CSMD1: variants seen among roughly 807,000 people sequenced by gnomAD.
CSMD1 encodes the protein CUB and Sushi multiple domains 1.
A neutral mutation model predicts 417.5 loss-of-function variants in CSMD1; 213 were observed. The ratio of observed to expected loss-of-function variants is 0.51; its 90% CI spans 0.46 to 0.57. CSMD1 has a LOEUF of 0.57. Ranked by LOEUF, CSMD1 falls within the 20% of genes least tolerant of loss-of-function variation. CSMD1 has a pLI of 0.00. For missense variants in CSMD1, 6,923 were observed against 4,529.7 expected, an observed-to-expected ratio of 1.53 and a Z score of -15.17; for synonymous variants, 2,862 against 1,736.8, an observed-to-expected ratio of 1.65 and a Z score of -16.11.
chr8:2,950,633 A>C (rs1040414250), intron 66 of CSMD1, among the ~76,000 whole-genome samples: 2 of 152,170 alleles, frequency 1.3e-5, no homozygotes, highest in Non-Finnish European at 2.9e-5. Flanking sequence ...TTGCTAATTA[A>C]AAAATCTCTC....
chr8:3,818,586 A>G (rs1425587997), intron 5 of CSMD1, among the ~76,000 whole-genome samples: 1 of 152,074 alleles, frequency 6.6e-6, no homozygotes, highest in Non-Finnish European at 1.5e-5. Flanking sequence ...AGGTGCAAGA[A>G]TGAGAAGTGC....
intron 5 of CSMD1, among the ~76,000 whole-genome samples, chr8:3,868,600 A>G (rs913041083): frequency 6.6e-6 from 1 of 152,156 alleles, no homozygotes; most frequent in African/African-American, 2.4e-5. Context: ...CAGCTCACGC[A>G]ATAGGACCCG....
chr8:4,531,217 A>G (rs59278005), intron 2 of CSMD1, among the ~76,000 whole-genome samples: 17,694 of 152,098 alleles, frequency 0.12, 1,057 homozygotes, highest in African/African-American at 0.15. Flanking sequence ...TTGTTTTGCC[A>G]TTTTTAGCCA....
At chr8:3,011,956 G>C (rs908612193) in intron 52 of CSMD1, among the ~76,000 whole-genome samples, 3 of 152,202 alleles carry the variant, frequency 2.0e-5, no homozygotes, top group Non-Finnish European at 4.4e-5. Flanking sequence ...GTGCCTGAGA[G>C]AGTGGATACC....
chr8:3,017,279 C>G lies in CSMD1; in HGVS notation c.8029+1198G>C, dbSNP rs552683064. Among the ~76,000 whole-genome samples, 464 of 152,196 alleles carry G rather than the reference C, an allele frequency of 3.0e-3. 3 individuals carry two copies. The highest frequency in any genetic ancestry group is 2.6e-3 in the Non-Finnish European group (180 of 68,018). On this transcript the variant is annotated intron_variant, in intron 52 of 69. Transcript: ENST00000635120. ...GAAGAGCTTGTCCATATCAAAGCTGCCTAAAGGAGAGTGCTGTTCCATAGC... is the reference window on the plus strand; with the variant it reads ...GAAGAGCTTGTCCATATCAAAGCTGGCTAAAGGAGAGTGCTGTTCCATAGC...
chr8:4,461,058 T>A (rs1799785837), intron 2 of CSMD1, among the ~76,000 whole-genome samples: 1 of 152,128 alleles, frequency 6.6e-6, no homozygotes, highest in Admixed American at 6.5e-5. Context: ...AAGCATTATA[T>A]ACTGTGTCCA....
intron 2 of CSMD1, among the ~76,000 whole-genome samples, chr8:4,481,973 T>C (rs915183019): frequency 6.6e-6 from 1 of 152,146 alleles, no homozygotes; most frequent in African/African-American, 2.4e-5. Context: ...TTAGCTGCTA[T>C]ATTATATAGG....
intron 2 of CSMD1, among the ~76,000 whole-genome samples, chr8:4,589,632 A>C (rs557233482): frequency 7.4e-4 from 112 of 152,316 alleles, no homozygotes; most frequent in African/African-American, 2.4e-3. Context: ...ATTCTACAAT[A>C]CTATTAGGCA....
chr8:3,579,491 C>CT (rs1409084534), intron 9 of CSMD1, among the ~76,000 whole-genome samples: 1 of 152,044 alleles, frequency 6.6e-6, no homozygotes, highest in Non-Finnish European at 1.5e-5. Context: ...GCATTAGAAG[C>CT]TTTTTTTAAA....
chr8:3,175,502 TGCC>T (rs1563111649), intron 37 of CSMD1, among the ~76,000 whole-genome samples: 2,412 of 126,044 alleles, frequency 0.019, 63 homozygotes, highest in African/African-American at 0.063. Flanking sequence ...CCTGCCTGCC[TGCC>T]TGCCTTTTTT....
intron 1 of CSMD1, among the ~76,000 whole-genome samples, chr8:4,888,604 G>A (rs1258387413): frequency 6.6e-6 from 1 of 151,968 alleles, no homozygotes; most frequent in African/African-American, 2.4e-5. Flanking sequence ...CTACGGCAGT[G>A]ACATCCCAAC....
chr8:4,004,979 C>T lies in CSMD1; in HGVS notation c.611-6869G>A, dbSNP rs113202568. Reference sequence around the variant, plus strand: ...CAGGATGGTCTCAATCTCCTGACCTCGTGATCTGCCAGCCTCAGCCTCCCT... The same window carrying T: ...CAGGATGGTCTCAATCTCCTGACCTTGTGATCTGCCAGCCTCAGCCTCCCT... On this transcript the variant is annotated intron_variant, in intron 4 of 69. Transcript: ENST00000635120. Among the ~76,000 whole-genome samples the T allele has an allele frequency of 2.6e-5, 4 of 152,204 alleles. No homozygotes were observed. The South Asian group carries it at 8.3e-4, about 32-fold the overall frequency.
chr8:3,830,818 G>C (rs902193034), intron 5 of CSMD1, among the ~76,000 whole-genome samples: 11 of 152,098 alleles, frequency 7.2e-5, no homozygotes, highest in African/African-American at 2.4e-4. Flanking sequence ...AAAATAATTA[G>C]GAGTTATTAA....
At chr8:3,401,318 G>C (rs1442411888) in intron 15 of CSMD1, among the ~76,000 whole-genome samples, 1 of 151,918 alleles carries the variant, frequency 6.6e-6, no homozygotes, top group African/African-American at 2.4e-5. Context: ...CTTTACTTTA[G>C]TAATTTTATT....
chr8:3,561,558 G>T (rs983868132), intron 10 of CSMD1, among the ~76,000 whole-genome samples: 5 of 152,112 alleles, frequency 3.3e-5, no homozygotes, highest in African/African-American at 1.2e-4. Context: ...GATTATAAAT[G>T]GGAACCAAAC....
intron 3 of CSMD1, among the ~76,000 whole-genome samples, chr8:4,219,962 T>G (rs1301623446): frequency 1.3e-5 from 2 of 152,306 alleles, no homozygotes; most frequent in East Asian, 1.9e-4. Context: ...TTAATGCTTT[T>G]TTTTTGAAAT....
intron 8 of CSMD1, chr8:3,598,311 C>A (rs1801189206): frequency 6.6e-6 from 1 of 152,226 alleles, no homozygotes; most frequent in African/African-American, 2.4e-5. Context: ...CACCTACTTT[C>A]CTCTATGTAG....
At chr8:4,444,891 C>T (rs748950680) in intron 2 of CSMD1, among the ~76,000 whole-genome samples, 5 of 152,308 alleles carry the variant, frequency 3.3e-5, no homozygotes, top group Non-Finnish European at 7.4e-5. Flanking sequence ...ATTGTTCAGA[C>T]TCTGACCTTG....
At chr8:4,091,035 C>T (rs1800692601) in intron 3 of CSMD1, among the ~76,000 whole-genome samples, 1 of 151,852 alleles carries the variant, frequency 6.6e-6, no homozygotes, top group Non-Finnish European at 1.5e-5. Context: ...TCTCCTGTCT[C>T]AGCCTCACAA....
Sources: gnomAD v4.1 joint callset for allele counts (sites outside exome capture counted in the v4.1 genomes callset) on GRCh38, gnomAD v4.1.1 for gene constraint, MANE v1.5 for transcripts, NCBI Gene and HGNC (gene_info 2026-07-23, HGNC 2026-07-21) for gene names.